RPAP2: variants seen among roughly 807,000 people sequenced by gnomAD.
RPAP2 encodes the protein putative RNA polymerase II subunit B1 CTD phosphatase RPAP2.
In RPAP2, 52 loss-of-function variants were observed where a neutral mutation model predicts 73.1. That is an observed-to-expected ratio of 0.71 (90% CI 0.57 to 0.90). The LOEUF is 0.90. Among genes scored for constraint, RPAP2 ranks in the 40% least tolerant of loss-of-function variants. The probability of loss-of-function intolerance (pLI) is 0.00; values close to 1 mark genes in which losing one functional copy is unlikely to be tolerated. For missense variants in RPAP2, 598 were observed against 701.8 expected (o/e 0.85, Z 1.67); for synonymous variants, 225 against 242.1 (o/e 0.93, Z 0.65).
chr1:92,304,949 C>A (rs1255529967), intron 5 of RPAP2, among the ~76,000 whole-genome samples: 1 of 151,892 alleles, frequency 6.6e-6, no homozygotes, highest in Non-Finnish European at 1.5e-5. Context: ...CCAGCCTGGG[C>A]AACGGCAAAA....
intron 7 of RPAP2, among the ~76,000 whole-genome samples, chr1:92,321,747 A>G (rs1277663000): frequency 2.6e-5 from 4 of 152,060 alleles, no homozygotes; most frequent in African/African-American, 9.7e-5. Flanking sequence ...AATATCTTTT[A>G]TTGAAAAATG....
intron 10 of RPAP2, among the ~76,000 whole-genome samples, chr1:92,341,039 C>T (rs1426621551): frequency 1.3e-5 from 2 of 152,108 alleles, no homozygotes; most frequent in Non-Finnish European, 1.5e-5. Flanking sequence ...GACAGAGTCT[C>T]ACTCTGTCAC....
At chr1:92,375,695 G>T (rs1189688083) in intron 11 of RPAP2, among the ~76,000 whole-genome samples, 1 of 152,140 alleles carries the variant, frequency 6.6e-6, no homozygotes, top group Non-Finnish European at 1.5e-5. Flanking sequence ...GCTGGGTGTG[G>T]TAGCGGACGC....
chr1:92,371,249 G>A (rs1262556435), intron 11 of RPAP2, among the ~76,000 whole-genome samples: 1 of 151,496 alleles, frequency 6.6e-6, no homozygotes, highest in African/African-American at 2.4e-5. Context: ...AGTTCGCAGT[G>A]AGCTGAGATC....
chr1:92,321,008 C>T (rs1652222266), intron 7 of RPAP2, among the ~76,000 whole-genome samples: 1 of 152,184 alleles, frequency 6.6e-6, no homozygotes, highest in Admixed American at 6.5e-5. Flanking sequence ...GTACCAGTTA[C>T]TTAATTATTT....
At chr1:92,339,024 T>C (rs939300824) in intron 10 of RPAP2, among the ~76,000 whole-genome samples, 5 of 152,204 alleles carry the variant, frequency 3.3e-5, no homozygotes, top group African/African-American at 1.2e-4. Context: ...AAGATGAGAA[T>C]AAGCCCTATG....
intron 2 of RPAP2, among the ~76,000 whole-genome samples, chr1:92,300,728 A>AT (rs1650780627): frequency 6.6e-6 from 1 of 152,188 alleles, no homozygotes; most frequent in Admixed American, 6.5e-5. Flanking sequence ...TGTAGCTATG[A>AT]TTTTTATTTT....
chr1:92,337,584 G>A (rs891829768), intron 10 of RPAP2, among the ~76,000 whole-genome samples: 1 of 152,096 alleles, frequency 6.6e-6, no homozygotes, highest in Non-Finnish European at 1.5e-5. Context: ...CCAAACTATA[G>A]ATGTCTTAAA....
intron 9 of RPAP2, among the ~76,000 whole-genome samples, chr1:92,335,226 C>G (rs1653210766): frequency 6.6e-6 from 1 of 152,036 alleles, no homozygotes; most frequent in South Asian, 2.1e-4. Context: ...TTGGATTATG[C>G]CACTGCACTC....
At chr1:92,345,804 T>G (rs1456456110) in intron 10 of RPAP2, 42 bp from the exon 11 acceptor site, 1 of 1,215,400 alleles carries the variant, frequency 8.2e-7, no homozygotes, top group Admixed American at 1.9e-5. Context: ...GAAAGTTTAT[T>G]TAAAGGTAAC....
chr1:92,314,106 G>A (rs1253585222), intron 6 of RPAP2, among the ~76,000 whole-genome samples: 2 of 152,254 alleles, frequency 1.3e-5, no homozygotes, highest in South Asian at 2.1e-4. Context: ...TGTGTTCACT[G>A]GACTAGCATT....
chr1:92,322,134 C>T (rs887259024), intron 7 of RPAP2, among the ~76,000 whole-genome samples: 2 of 151,370 alleles, frequency 1.3e-5, no homozygotes, highest in African/African-American at 4.8e-5. Context: ...TTAGTAGAGA[C>T]AGGGTTTCAC....
chr1:92,324,933 C>T (rs1397424005), intron 8 of RPAP2, among the ~76,000 whole-genome samples: 1 of 152,166 alleles, frequency 6.6e-6, no homozygotes, highest in African/African-American at 2.4e-5. Context: ...CATTTACTAG[C>T]TGTATGAAAA....
intron 11 of RPAP2, among the ~76,000 whole-genome samples, chr1:92,377,880 A>G (rs942911773): frequency 5.3e-5 from 8 of 152,174 alleles, no homozygotes; most frequent in Non-Finnish European, 7.4e-5. Flanking sequence ...CAAGTTTTCT[A>G]GAGAAGTATT....
At chr1:92,305,453 A>G (rs1651159780) in intron 5 of RPAP2, among the ~76,000 whole-genome samples, 1 of 144,010 alleles carries the variant, frequency 6.9e-6, no homozygotes, top group African/African-American at 2.5e-5. Context: ...AAAAAAAAAG[A>G]CAATATGGGA....
chr1:92,346,525 G>A (rs754953230), intron 11 of RPAP2, among the ~76,000 whole-genome samples: 12 of 151,850 alleles, frequency 7.9e-5, no homozygotes, highest in Non-Finnish European at 1.5e-4. Context: ...TAGTCTTTTC[G>A]TTTCATTTTT....
chr1:92,305,039 G>A (rs919255837), intron 5 of RPAP2, among the ~76,000 whole-genome samples: 2 of 152,018 alleles, frequency 1.3e-5, no homozygotes, highest in Non-Finnish European at 2.9e-5. Context: ...GAAAGCTGAG[G>A]CACATGCATC....
intron 8 of RPAP2, among the ~76,000 whole-genome samples, chr1:92,329,294 T>C (rs1288196760): frequency 1.3e-5 from 2 of 152,148 alleles, no homozygotes; most frequent in Non-Finnish European, 2.9e-5. Context: ...CATTGTGTGA[T>C]TCCCAGGCCA....
rs201281912 is a variant in RPAP2, at chr1:92,383,278, T to C, written c.1838+2405T>C. 3.0e-3 allele frequency among the ~76,000 whole-genome samples: 463 copies of C among 152,316 alleles called. 6 individuals are homozygous for C. In the East Asian group the frequency reaches 0.06, roughly 20 times the overall value. On this transcript the variant is annotated intron_variant, in intron 12 of 12. Coordinates refer to ENST00000610020, the MANE Select transcript of RPAP2 (RefSeq NM_024813.3). ...CTCTTTTTTGGTTCCATATGAACTT[T>C]AAAGTAGTTTTTTCCAATTCTGTGA...
Sources: allele counts gnomAD v4.1 joint callset (sites outside exome capture counted in the v4.1 genomes callset), GRCh38; gene constraint gnomAD v4.1.1; transcripts MANE v1.5; gene names NCBI Gene and HGNC (gene_info 2026-07-23, HGNC 2026-07-21).